The following ZFYVE26 variants were observed in gnomAD, a reference collection of about 807,000 sequenced individuals.
The protein encoded by ZFYVE26 is zinc finger FYVE-type containing 26.
ZFYVE26 carries 181 observed loss-of-function variants against 276.5 expected under a neutral mutation model. That is an observed-to-expected ratio of 0.65 (90% CI 0.58 to 0.74). The LOEUF (loss-of-function observed/expected upper bound fraction) is 0.74. ZFYVE26 is among the 30% of genes least tolerant of loss of function. The pLI is 0.00. For missense variants in ZFYVE26, 2,821 were observed against 3,097.9 expected (o/e 0.91, Z 2.12); for synonymous variants, 1,129 against 1,203.1 (o/e 0.94, Z 1.27).
chr14:67,735,101 G>A (rs966646911), intron 13 of ZFYVE26: 1 of 761,090 alleles, frequency 1.3e-6, no homozygotes, highest in Non-Finnish European at 2.4e-6. Context: ...GAGCAGCAAA[G>A]AATGCAAAAG....
At chr14:67,762,094 G>T in intron 34 of ZFYVE26, 109 bp downstream of exon 34, 1 of 1,360,122 alleles carries the variant, frequency 7.4e-7, no homozygotes, top group Non-Finnish European at 1.0e-6. Flanking sequence ...GCTTGATGCT[G>T]AGCCAGGACT....
At position 67,789,502 on chromosome 14, in the gene ZFYVE26, G is replaced by C. The variant is rs35471427; in HGVS notation, c.2852C>G (p.Thr951Arg). ...GGGAGCAGTGGGCTCCACTAGAGCC[G>C]TGCTTATCCAAAAGTCCTCCTGGAG... ...PMLQEDFWISTALVEPTAPLR... is the reference protein window; with the variant it reads ...PMLQEDFWISRALVEPTAPLR... The change falls in exon 16 of 42, where the codon ACG becomes AGG. Residue 951 changes from threonine (T) to arginine (R), a missense_variant. Thr to Arg is a moderately conservative substitution (Grantham distance 71). Coordinates refer to ENST00000347230, the MANE Select transcript of ZFYVE26 (RefSeq NM_015346.4). 3 of 1,614,144 alleles carry C rather than the reference G, an allele frequency of 1.9e-6. No homozygotes were observed. In the South Asian group the frequency reaches 3.3e-5, roughly 18 times the overall value.
At chr14:67,782,666 A>G in intron 21 of ZFYVE26, 114 bp downstream of exon 21, 1 of 1,526,170 alleles carries the variant, frequency 6.6e-7, no homozygotes, top group Non-Finnish European at 9.0e-7. Flanking sequence ...TAATAACATG[A>G]GATTATAGTG....
intron 22 of ZFYVE26, 81 bp downstream of exon 22, chr14:67,781,252 G>A: frequency 6.6e-7 from 1 of 1,511,294 alleles, no homozygotes; most frequent in South Asian, 1.1e-5. Flanking sequence ...CTTTCTTAAA[G>A]TCCCCCATCA....
intron 32 of ZFYVE26, among the ~76,000 whole-genome samples, chr14:67,765,875 A>G (rs2140198684): frequency 6.6e-6 from 1 of 152,272 alleles, no homozygotes; most frequent in South Asian, 2.1e-4. Flanking sequence ...AGGAGGACAC[A>G]TTTTCTTTAA....
intron 16 of ZFYVE26, among the ~76,000 whole-genome samples, chr14:67,789,130 A>C (rs1351791702): frequency 6.6e-6 from 1 of 152,220 alleles, no homozygotes; most frequent in African/African-American, 2.4e-5. Flanking sequence ...CCTATAATTC[A>C]ATAAAGAATT....
In ZFYVE26 at chr14:67,776,116, G is replaced by A. The variant is rs1401582753; in HGVS notation, c.4975-10C>T. On this transcript the variant is annotated splice_polypyrimidine_tract_variant and intron_variant, in intron 25 of 41. Coordinates refer to ENST00000347230, the MANE Select transcript of ZFYVE26 (RefSeq NM_015346.4). Reference sequence around the variant, plus strand: ...GCAGGGTCAGCAGAATCTGTTTGTGGGGTAGATCCATAGAGTAAAGAAAAT... The same window carrying A: ...GCAGGGTCAGCAGAATCTGTTTGTGAGGTAGATCCATAGAGTAAAGAAAAT... 1 of 1,613,876 alleles carries A rather than the reference G, an allele frequency of 6.2e-7. No homozygotes were observed. Among genetic ancestry groups the A allele is most frequent in the Non-Finnish European group, 8.5e-7 (1 of 1,179,982 alleles).
At position 67,783,168 on chromosome 14, in the gene ZFYVE26, C is replaced by T. The variant is rs1346891861; in HGVS notation, c.3984G>A (p.Lys1328=). The T allele has an allele frequency of 6.2e-7, 1 of 1,609,324 alleles. No homozygotes were observed. The highest frequency in any genetic ancestry group is 8.5e-7 in the Non-Finnish European group (1 of 1,176,946). The part of the protein sequence containing the change: ...VACLGASPRL[K]VSKPSLSWKE... ...TCCATGACAAGCTGGGTTTGCTGAC[C>T]TTTAACCTCGGGGAAGCCCCCAGGC... is the stretch of plus-strand genomic sequence containing the variant. Residue 1328 remains lysine (K), a synonymous_variant, in exon 21 of 42, where the codon AAG becomes AAA. Coordinates refer to ENST00000347230, the MANE Select transcript of ZFYVE26 (RefSeq NM_015346.4).
rs535175663 is a variant in ZFYVE26 at position 67,754,705 on chromosome 14, C to A, written c.6986+346G>T. On this transcript the variant is annotated intron_variant, in intron 37 of 41. Transcript: ENST00000347230. ...ATTAAGGACTTGGTGTGTTGAGGAG[C>A]CCTGAGGAGGCCAGGGATCGATGCT... Among the ~76,000 whole-genome samples the A allele has an allele frequency of 1.2e-4, 19 of 152,246 alleles. No homozygotes were observed. The South Asian group carries it at 3.7e-3, about 30-fold the overall frequency.
At chr14:67,730,384 G>A (rs2038253904) in intron 13 of ZFYVE26, among the ~76,000 whole-genome samples, 1 of 152,170 alleles carries the variant, frequency 6.6e-6, no homozygotes, top group South Asian at 2.1e-4. Context: ...GTGCATACCA[G>A]ATTTTTGAAG....
chr14:67,788,022 T>C (rs796508699), intron 16 of ZFYVE26, among the ~76,000 whole-genome samples: 56 of 152,284 alleles, frequency 3.7e-4, no homozygotes, highest in African/African-American at 1.3e-3. Flanking sequence ...GCTGAACACC[T>C]GCTTTCCTTT....
rs1189899673 is a variant in ZFYVE26 at position 67,798,269 on chromosome 14, A to G, written c.1993T>C (p.Phe665Leu). The change falls in exon 11 of 42, where the codon TTT (phenylalanine) becomes CTT (leucine). Residue 665 changes from phenylalanine (F) to leucine (L), a missense_variant. By Grantham distance (22) the Phe-to-Leu change is conservative. Transcript: ENST00000347230. ...CTAGTAAAGTGTTTTAAGTCCAAAA[A>G]GCTGTGCCTATGAGGCCCTGGGTAA... is the stretch of plus-strand genomic sequence containing the variant. ...DSYPGPHRHS[F>L]LDLKHFTSGI... 1 of 1,614,164 alleles carries G rather than the reference A, an allele frequency of 6.2e-7. No individual in the cohort carries two copies. The highest frequency in any genetic ancestry group is 8.5e-7 in the Non-Finnish European group (1 of 1,180,018).
At chr14:67,743,328 A>C (rs2038440963), downstream of ZFYVE26, among the ~76,000 whole-genome samples, 1 of 151,946 alleles carries the variant, frequency 6.6e-6, no homozygotes, top group South Asian at 2.1e-4. Context: ...CTGTCTCTAC[A>C]AAAAATACAA....
chr14:67,786,987 C>T (rs1334894505), intron 16 of ZFYVE26, among the ~76,000 whole-genome samples: 2 of 151,970 alleles, frequency 1.3e-5, no homozygotes, highest in Admixed American at 1.3e-4. Context: ...ATCCAAAAAT[C>T]AAAATAACTG....
chr14:67,743,973 T>G (rs2038451021), downstream of ZFYVE26, among the ~76,000 whole-genome samples: 1 of 152,080 alleles, frequency 6.6e-6, no homozygotes, highest in Non-Finnish European at 1.5e-5. Context: ...ACATGCAGAA[T>G]TAGCGAGCAG....
rs377051874 is a variant in ZFYVE26, at chr14:67,809,223, C to T, written c.340G>A (p.Asp114Asn). 12 of 1,613,960 alleles carry T rather than the reference C, an allele frequency of 7.4e-6. No homozygotes were observed. The highest frequency in any genetic ancestry group is 7.6e-6 in the Non-Finnish European group (9 of 1,180,014). Reference protein sequence around the residue: ...FLLLSEDLQGDIPENILEELY... With the variant: ...FLLLSEDLQGNIPENILEELY... Reference sequence around the variant, plus strand: ...ACCTCGAGGATGTTCTCTGGAATGTCACCTTGGAGGTCTTCTGACAATAAA... The same window carrying T: ...ACCTCGAGGATGTTCTCTGGAATGTTACCTTGGAGGTCTTCTGACAATAAA... The change falls in exon 4 of 42, where the codon GAC becomes AAC. Residue 114 changes from aspartate (D) to asparagine (N), a missense_variant. By Grantham distance (23) the Asp-to-Asn change is conservative (BLOSUM62 1). Coordinates refer to ENST00000347230, the MANE Select transcript of ZFYVE26 (RefSeq NM_015346.4).
chr14:67,761,293 C>A, intron 35 of ZFYVE26, 73 bp downstream of exon 35: 1 of 1,403,642 alleles, frequency 7.1e-7, no homozygotes, highest in East Asian at 2.5e-5. Context: ...GTTATTGTCC[C>A]GCTTAAGGCT....
At chr14:67,731,928 C>T (rs575280170) in intron 13 of ZFYVE26, among the ~76,000 whole-genome samples, 1 of 151,474 alleles carries the variant, frequency 6.6e-6, no homozygotes, top group South Asian at 2.1e-4. Flanking sequence ...GGAGTTGAGA[C>T]CAGCCTGGCC....
chr14:67,729,572 C>T, exon 14 of ZFYVE26: 1 of 653,122 alleles, frequency 1.5e-6, no homozygotes, highest in Non-Finnish European at 2.7e-6. Context: ...GGAAGAGTTG[C>T]TTTTCTGGCT....
Sources: gnomAD v4.1 joint callset for allele counts (sites outside exome capture counted in the v4.1 genomes callset) on GRCh38, gnomAD v4.1.1 for gene constraint, MANE v1.5 for transcripts, NCBI Gene and HGNC (gene_info 2026-07-23, HGNC 2026-07-21) for gene names.